PLB1: variants seen among roughly 807,000 people sequenced by gnomAD.
The protein encoded by PLB1 is phospholipase B1.
A neutral mutation model predicts 227.4 loss-of-function variants in PLB1; 242 were observed. The ratio of observed to expected loss-of-function variants is 1.06; its 90% confidence interval spans 0.96 to 1.18. PLB1 has a LOEUF of 1.18. Among genes scored for constraint, PLB1 ranks in the 50% most tolerant of loss-of-function variants. The pLI, the probability that PLB1 is intolerant of heterozygous loss-of-function variation, is 0.00. For synonymous variants in PLB1, 757 were observed against 682.2 expected, an observed-to-expected ratio of 1.11 and a Z score of -1.71; for missense variants, 1,858 against 1,816.3, an observed-to-expected ratio of 1.02 and a Z score of -0.42.
Position 28,538,147 on chromosome 2 carries a change from G to C in PLB1, c.556-172G>C, listed in dbSNP as rs115760673. 4.4e-3 allele frequency: 3,531 copies of C among 811,360 alleles called. 91 individuals carry two copies. The African/African-American group carries it at 0.053, about 12-fold the overall frequency. 50.3% of individuals were successfully genotyped at this position (811,360 alleles called of 1,614,324 possible). A position where few individuals can be genotyped will look rare whatever the true frequency, so the allele number is the denominator to read the frequency against. On this transcript the variant is annotated intron_variant, in intron 9 of 57. Transcript: ENST00000327757. Reference sequence around the variant, plus strand: ...GGAGAAAATAGAAGAACAAAATGAAGACAAAACTAGGAAGCTCTGGGAATT... The same window carrying C: ...GGAGAAAATAGAAGAACAAAATGAACACAAAACTAGGAAGCTCTGGGAATT...
chr2:28,552,490 C>A (rs1674408969), intron 16 of PLB1, among the ~76,000 whole-genome samples: 1 of 152,178 alleles, frequency 6.6e-6, no homozygotes. Flanking sequence ...CTATGCCAGG[C>A]ACTGTTCTAG....
At chr2:28,566,697 C>A in intron 19 of PLB1, 99 bp from the exon 20 acceptor site, 2 of 1,333,990 alleles carry the variant, frequency 1.5e-6, no homozygotes, top group Non-Finnish European at 2.2e-6. Flanking sequence ...GGCCCCCGGG[C>A]TGTTTCTCGG....
intron 14 of PLB1, among the ~76,000 whole-genome samples, chr2:28,543,887 AG>A (rs1460878026): frequency 6.6e-6 from 1 of 152,184 alleles, no homozygotes; most frequent in Non-Finnish European, 1.5e-5. Context: ...CAGATTCCAA[AG>A]GGCCCCCAGG....
chr2:28,566,626 T>G, intron 19 of PLB1, 170 bp from the exon 20 acceptor site: 5 of 629,616 alleles, frequency 7.9e-6, no homozygotes, highest in South Asian at 3.9e-5. Flanking sequence ...GGGAGGGGAG[T>G]CGTATTCTGG....
chr2:28,555,448 C>CT (rs1674927519), intron 17 of PLB1, among the ~76,000 whole-genome samples: 2 of 151,738 alleles, frequency 1.3e-5, no homozygotes, highest in Non-Finnish European at 2.9e-5. Context: ...AGCCATGTGC[C>CT]AGTGATCTTG....
intron 1 of PLB1, among the ~76,000 whole-genome samples, chr2:28,502,657 T>C (rs936490897): frequency 2.0e-5 from 3 of 152,222 alleles, no homozygotes; most frequent in Non-Finnish European, 4.4e-5. Context: ...ATTTTTCTTA[T>C]ATGCCCATGA....
At chr2:28,559,178 G>C (rs1377728748) in intron 17 of PLB1, among the ~76,000 whole-genome samples, 1 of 152,190 alleles carries the variant, frequency 6.6e-6, no homozygotes, top group African/African-American at 2.4e-5. Flanking sequence ...CAATGGCTTT[G>C]ATAATCGAGT....
chr2:28,506,086 T>G (rs1667608351), intron 1 of PLB1, among the ~76,000 whole-genome samples: 1 of 152,216 alleles, frequency 6.6e-6, no homozygotes, highest in Non-Finnish European at 1.5e-5. Flanking sequence ...TCAAGTTGCA[T>G]TTTTGTTACT....
intron 21 of PLB1, among the ~76,000 whole-genome samples, chr2:28,574,636 A>G (rs903056151): frequency 3.3e-5 from 5 of 149,892 alleles, no homozygotes; most frequent in African/African-American, 1.2e-4. Flanking sequence ...ACCTCAAGTA[A>G]TCTGCCTGCC....
intron 43 of PLB1, among the ~76,000 whole-genome samples, chr2:28,610,343 G>T (rs141907823): frequency 8.2e-4 from 124 of 151,782 alleles, no homozygotes; most frequent in African/African-American, 2.9e-3. Context: ...TAGTGATGGG[G>T]TCTCACTCTG....
intron 1 of PLB1, among the ~76,000 whole-genome samples, chr2:28,513,064 A>C (rs73922130): frequency 0.016 from 2,459 of 152,150 alleles, 70 homozygotes; most frequent in African/African-American, 0.057. Flanking sequence ...GATTTCCTTC[A>C]TTTATTTCCA....
intron 3 of PLB1, among the ~76,000 whole-genome samples, chr2:28,518,811 A>G (rs955735686): frequency 6.6e-6 from 1 of 152,128 alleles, no homozygotes; most frequent in Non-Finnish European, 1.5e-5. Flanking sequence ...GGGCTTCCCT[A>G]TTCTTGTAAT....
intron 43 of PLB1, among the ~76,000 whole-genome samples, chr2:28,613,170 C>G (rs1685723462): frequency 6.6e-6 from 1 of 152,200 alleles, no homozygotes; most frequent in Non-Finnish European, 1.5e-5. Flanking sequence ...AGCAATCCTC[C>G]TACCCTGGCC....
chr2:28,578,511 A>C (rs1188534268), intron 22 of PLB1, among the ~76,000 whole-genome samples: 1 of 152,140 alleles, frequency 6.6e-6, no homozygotes, highest in Non-Finnish European at 1.5e-5. Flanking sequence ...GGGGTGCAGA[A>C]GGGACCGGCG....
Position 28,548,950 on chromosome 2 carries a change from AG to A in PLB1, c.1008+21del. 1 of 1,612,410 alleles carries A rather than the reference AG, an allele frequency of 6.2e-7. No homozygotes were observed. Among genetic ancestry groups the A allele is most frequent in the Non-Finnish European group, 8.5e-7 (1 of 1,178,478 alleles). On this transcript the variant is annotated intron_variant, in intron 15 of 57. Coordinates refer to ENST00000327757, the MANE Select transcript of PLB1 (RefSeq NM_153021.5). ...CTCTCAGGTAGGAGGGACTGGGCAG[AG>A]GAGGGACTCTTATTGAATCGAGGGC...
intron 17 of PLB1, among the ~76,000 whole-genome samples, chr2:28,557,100 T>TG (rs1157644041): frequency 6.6e-6 from 1 of 152,088 alleles, no homozygotes; most frequent in East Asian, 1.9e-4. Flanking sequence ...TGATGCCCTG[T>TG]GGGAAATAAC....
chr2:28,617,338 A>G (rs1686331800), intron 44 of PLB1, among the ~76,000 whole-genome samples: 1 of 152,162 alleles, frequency 6.6e-6, no homozygotes, highest in African/African-American at 2.4e-5. Context: ...AAACACACAT[A>G]CCTGTAATCT....
intron 9 of PLB1, among the ~76,000 whole-genome samples, chr2:28,536,924 C>G (rs868232030): frequency 6.6e-6 from 1 of 152,174 alleles, no homozygotes; most frequent in Non-Finnish European, 1.5e-5. Flanking sequence ...GATTCACACT[C>G]TAGAGAGAGC....
At chr2:28,594,729 C>G (rs957660454) in intron 33 of PLB1, 5 of 152,246 alleles carry the variant, frequency 3.3e-5, no homozygotes, top group African/African-American at 1.2e-4. Context: ...ACATCAACCT[C>G]TCAAGAACAG....
Sources: gnomAD v4.1 joint callset for allele counts (sites outside exome capture counted in the v4.1 genomes callset) on GRCh38, gnomAD v4.1.1 for gene constraint, MANE v1.5 for transcripts, NCBI Gene and HGNC (gene_info 2026-07-23, HGNC 2026-07-21) for gene names.